PAGR1: variants seen among roughly 807,000 people sequenced by gnomAD.
The protein encoded by PAGR1 is PAXIP1-associated glutamate-rich protein 1.
PAGR1 carries 20 observed loss-of-function variants against 22.4 expected under a neutral mutation model. The observed-to-expected ratio is 0.89, with a 90% CI of 0.63 to 1.30. The LOEUF (loss-of-function observed/expected upper bound fraction) is 1.30. Ranked by LOEUF, PAGR1 falls within the 50% of genes most tolerant of loss-of-function variation. The pLI is 0.00. For synonymous variants in PAGR1, 161 were observed against 148.3 expected, an observed-to-expected ratio of 1.09 and a Z score of -0.62; for missense variants, 338 against 343.6, an observed-to-expected ratio of 0.98 and a Z score of 0.13.
At position 29,822,399 on chromosome 16, in the gene PAGR1, C is replaced by T. The variant is rs1014148289; in HGVS notation, c.*2645C>T. The T allele has an allele frequency of 5.9e-5, 9 of 152,012 alleles. No individual in the cohort carries two copies. The highest frequency in any genetic ancestry group is 1.9e-4 in the East Asian group (1 of 5,202). The allele number at this position is 152,012 out of a possible 1,614,324, so 9.4% of individuals were successfully genotyped here. ...TCCTAAAGGGGGTAAACCAGGAAGC[C>T]GCTGGGTGAAAACAGGCTGTTGGCA... On this transcript the variant is annotated 3_prime_UTR_variant, in exon 3 of 3. Coordinates refer to ENST00000320330, the MANE Select transcript of PAGR1 (RefSeq NM_024516.4).
rs192974582 is a variant in PAGR1, at chr16:29,816,266, C to G, written c.-260C>G. Reference sequence around the variant, plus strand: ...GAAGCGAGAAGAGTGGCCCGTCCCTCTCCTCCCCCTTTCCCTCTTTCGGAA... The same window carrying G: ...GAAGCGAGAAGAGTGGCCCGTCCCTGTCCTCCCCCTTTCCCTCTTTCGGAA... On this transcript the variant is annotated 5_prime_UTR_variant, in exon 1 of 3. Coordinates refer to ENST00000320330, the MANE Select transcript of PAGR1 (RefSeq NM_024516.4). 1.4e-4 allele frequency: 58 copies of G among 412,524 alleles called. No homozygotes were observed. In the Middle Eastern group the frequency reaches 2.5e-3, roughly 18 times the overall value. The allele number at this position is 412,524 out of a possible 1,614,324, so 25.6% of individuals were successfully genotyped here. A position where few individuals can be genotyped will look rare whatever the true frequency, so the allele number is the denominator to read the frequency against.
At chr16:29,819,481 A>T (rs1596901359) in intron 2 of PAGR1, 74 bp from the exon 3 acceptor site, 1 of 1,494,718 alleles carries the variant, frequency 6.7e-7, no homozygotes. Context: ...TCCCCAAGTG[A>T]TGAGTGAGGT....
Position 29,820,711 on chromosome 16 carries a change from C to A in PAGR1, c.*957C>A, listed in dbSNP as rs576397425. Among the ~76,000 whole-genome samples, 4 of 152,234 alleles carry A rather than the reference C, an allele frequency of 2.6e-5. No individual in the cohort carries two copies. The highest frequency in any genetic ancestry group is 7.2e-5 in the African/African-American group (3 of 41,534). On this transcript the variant is annotated 3_prime_UTR_variant, in exon 3 of 3. Coordinates refer to ENST00000320330, the MANE Select transcript of PAGR1 (RefSeq NM_024516.4). ...TCACTTTCCAATAGTTGGGAGTCTT[C>A]TGGGTTTTGAAGTAAAGGCAGATTA... is the stretch of plus-strand genomic sequence containing the variant.
At position 29,819,954 on chromosome 16, in the gene PAGR1, G is replaced by A. The variant is rs778045235; in HGVS notation, c.*200G>A. ...TTGAACACCTGTAGAGTGTGTGTGT[G>A]TGTTTTCTATTGAACACCTATAGAG... On this transcript the variant is annotated 3_prime_UTR_variant, in exon 3 of 3. Transcript: ENST00000320330. The A allele has an allele frequency of 8.8e-5, 53 of 605,416 alleles. No homozygotes were observed. Among genetic ancestry groups the A allele is most frequent in the African/African-American group, 1.7e-4 (9 of 54,024 alleles). The allele number at this position is 605,416 out of a possible 1,614,324, so 37.5% of individuals were successfully genotyped here.
chr16:29,819,280 G>A (rs776344873), intron 2 of PAGR1: 1 of 442,930 alleles, frequency 2.3e-6, no homozygotes, highest in South Asian at 3.1e-5. Context: ...ACTCTTCTTT[G>A]AACAGAACTC....
At position 29,816,709 on chromosome 16, in the gene PAGR1, T is replaced by A. The variant is rs745842510; in HGVS notation, c.184T>A (p.Ser62Thr). 2 of 1,607,348 alleles carry A rather than the reference T, an allele frequency of 1.2e-6. No homozygotes were observed. The highest frequency in any genetic ancestry group is 1.7e-6 in the Non-Finnish European group (2 of 1,178,136). The change falls in exon 1 of 3, where the codon TCC becomes ACC. Residue 62 changes from serine to threonine, a missense_variant. Ser to Thr is a moderately conservative substitution (Grantham distance 58). Coordinates refer to ENST00000320330, the MANE Select transcript of PAGR1 (RefSeq NM_024516.4). ...GGREETEREG[S>T]GGEEAQGEVP... ...CCGAGAGGAGACCGAGCGTGAGGGG[T>A]CCGGGGGCGAGGAGGCGCAGGGAGA...
Position 29,819,907 on chromosome 16 carries a change from G to C in PAGR1, c.*153G>C. ...CGGGAAAGAGGAAGAGAGAGTGTGA[G>C]TGTGTGTGTGTGTTTTTTCTATTGA... On this transcript the variant is annotated 3_prime_UTR_variant, in exon 3 of 3. Coordinates refer to ENST00000320330, the MANE Select transcript of PAGR1 (RefSeq NM_024516.4). 2.7e-6 allele frequency: 2 copies of C among 753,820 alleles called. No individual in the cohort carries two copies. Among genetic ancestry groups the C allele is most frequent in the Non-Finnish European group, 4.1e-6 (2 of 484,724 alleles). 46.7% of individuals were successfully genotyped at this position (753,820 alleles called of 1,614,324 possible). A position where few individuals can be genotyped will look rare whatever the true frequency, so the allele number is the denominator to read the frequency against.
Position 29,816,218 on chromosome 16 carries a change from C to T in PAGR1, c.-308C>T. On this transcript the variant is annotated 5_prime_UTR_variant, in exon 1 of 3. Coordinates refer to ENST00000320330, the MANE Select transcript of PAGR1 (RefSeq NM_024516.4). Reference sequence around the variant, plus strand: ...AGGTCTGGGGAGAAGGCGCCGTGTCCGGGTGTGGAGAGGGGCGTCGTGGAA... The same window carrying T: ...AGGTCTGGGGAGAAGGCGCCGTGTCTGGGTGTGGAGAGGGGCGTCGTGGAA... The T allele has an allele frequency of 5.0e-6, 2 of 396,458 alleles. No homozygotes were observed. The highest frequency in any genetic ancestry group is 8.9e-6 in the Non-Finnish European group (2 of 224,062). The allele number at this position is 396,458 out of a possible 1,614,324, so 24.6% of individuals were successfully genotyped here. A position where few individuals can be genotyped will look rare whatever the true frequency, so the allele number is the denominator to read the frequency against.
rs377615776 is a variant in PAGR1 at position 29,816,901 on chromosome 16, G to A, written c.376G>A (p.Glu126Lys). The A allele has an allele frequency of 5.5e-5, 86 of 1,562,574 alleles. No homozygotes were observed. Among genetic ancestry groups the A allele is most frequent in the Non-Finnish European group, 7.3e-5 (84 of 1,156,284 alleles). The change falls in exon 1 of 3, where the codon GAG (glutamate) becomes AAG (lysine). Residue 126 changes from glutamate (E) to lysine (K), a missense_variant. Physicochemically the swap from Glu to Lys is moderately conservative, Grantham distance 56 (BLOSUM62 1). Around this residue, in one of 3 missense-constraint regions of PAGR1, gnomAD observed 235 missense variants for 216.0 expected, o/e 1.09. Coordinates refer to ENST00000320330, the MANE Select transcript of PAGR1 (RefSeq NM_024516.4). ...YELLAAHGTLELQAEILPRRP... is the reference protein window; with the variant it reads ...YELLAAHGTLKLQAEILPRRP... The stretch of plus-strand genomic sequence containing the variant: ...ACTGCTGGCTGCCCACGGTACTCTG[G>A]AGCTGCAAGCCGAGATCCTGCCCCG...
Position 29,816,213 on chromosome 16 carries a change from G to A in PAGR1, c.-313G>A, listed in dbSNP as rs977093789. On this transcript the variant is annotated 5_prime_UTR_variant, in exon 1 of 3. In the 5' UTR this introduces an upstream ATG that the reference lacks. Coordinates refer to ENST00000320330, the MANE Select transcript of PAGR1 (RefSeq NM_024516.4). ...CTGAAAGGTCTGGGGAGAAGGCGCC[G>A]TGTCCGGGTGTGGAGAGGGGCGTCG... 1.8e-5 allele frequency: 7 copies of A among 393,620 alleles called. No homozygotes were observed. The highest frequency in any genetic ancestry group is 3.1e-5 in the Non-Finnish European group (7 of 222,348). The allele number at this position is 393,620 out of a possible 1,614,324, so 24.4% of individuals were successfully genotyped here.
intron 2 of PAGR1, among the ~76,000 whole-genome samples, chr16:29,819,191 ACTC>A (rs1178910438): frequency 6.6e-6 from 1 of 151,576 alleles, no homozygotes; most frequent in Non-Finnish European, 1.5e-5. Context: ...CTGGTCTCAA[ACTC>A]CTGACCTCGT....
intron 1 of PAGR1, 25 bp from the exon 2 acceptor site, chr16:29,817,185 C>T (rs1490290114): frequency 5.0e-6 from 8 of 1,613,678 alleles, no homozygotes; most frequent in Non-Finnish European, 6.8e-6. Flanking sequence ...CCGCCCTCAC[C>T]CTTAACTATG....
In PAGR1 at chr16:29,821,552, A is replaced by G. The variant is rs12149746; in HGVS notation, c.*1798A>G. On this transcript the variant is annotated 3_prime_UTR_variant, in exon 3 of 3. Transcript: ENST00000320330. ...AAACACTCACCTTTGAACTGCCATT[A>G]GCACCATCTGGGCAGTACACAGCCC... 0.96 allele frequency among the ~76,000 whole-genome samples: 145,876 copies of G among 152,264 alleles called. 70,155 individuals are homozygous for G. The highest frequency in any genetic ancestry group is 1 in the Non-Finnish European group (67,997 of 68,034).
intron 2 of PAGR1, 154 bp from the exon 3 acceptor site, chr16:29,819,401 T>G: frequency 1.4e-6 from 1 of 713,624 alleles, no homozygotes; most frequent in East Asian, 2.5e-5. Context: ...CTTCTCACCC[T>G]CTCTGAGGTC....
At chr16:29,817,158 G>A (rs1029470061) in intron 1 of PAGR1, 52 bp from the exon 2 acceptor site, 1 of 1,612,500 alleles carries the variant, frequency 6.2e-7, no homozygotes, top group Non-Finnish European at 8.5e-7. Context: ...AAGCACACGT[G>A]TGGGTGGGAG....
rs1237034502 is a variant in PAGR1, at chr16:29,822,465, TTTAAC to T, written c.*2716_*2720del. ...GACCCATTCTCTAAAGACTAGAATA[TTTAAC>T]TTAAATCAGTGAGAAACTCTGTGAA... On this transcript the variant is annotated 3_prime_UTR_variant, in exon 3 of 3. Transcript: ENST00000320330. The T allele has an allele frequency of 6.6e-6, 1 of 152,114 alleles. No homozygotes were observed. Among genetic ancestry groups the T allele is most frequent in the African/African-American group, 2.4e-5 (1 of 41,424 alleles). The allele number at this position is 152,114 out of a possible 1,614,324, so 9.4% of individuals were successfully genotyped here.
chr16:29,816,685 C>T lies in PAGR1; in HGVS notation c.160C>T (p.Arg54Ter). The T allele has an allele frequency of 6.2e-7, 1 of 1,601,914 alleles. No individual in the cohort carries two copies. Among genetic ancestry groups the T allele is most frequent in the East Asian group, 2.2e-5 (1 of 44,576 alleles). The change falls in exon 1 of 3, where the codon CGA becomes TGA. Residue 54 changes from arginine (R) to a stop codon, truncating the protein, a stop_gained. Transcript: ENST00000320330. LOFTEE classifies it high-confidence loss of function. ...GKAEDEGEGG[R>*]EETEREGSGG... ...GGCCGAGGACGAGGGGGAAGGAGGC[C>T]GAGAGGAGACCGAGCGTGAGGGGTC...
In PAGR1 at chr16:29,821,568, T is replaced by TAC. The variant is rs2067361611; in HGVS notation, c.*1818_*1819dup. Among the ~76,000 whole-genome samples, 2 of 152,168 alleles carry TAC rather than the reference T, an allele frequency of 1.3e-5. No individual in the cohort carries two copies. Among genetic ancestry groups the TAC allele is most frequent in the Non-Finnish European group, 2.9e-5 (2 of 68,018 alleles). ...ACTGCCATTAGCACCATCTGGGCAG[T>TAC]ACACAGCCCCACCCAGGTCCTCTAG... On this transcript the variant is annotated 3_prime_UTR_variant, in exon 3 of 3. Transcript: ENST00000320330.
rs1268352008 is a variant in PAGR1 at position 29,821,183 on chromosome 16, C to T, written c.*1429C>T. 2 of 152,280 alleles carry T rather than the reference C, an allele frequency of 1.3e-5. No individual in the cohort carries two copies. The highest frequency in any genetic ancestry group is 2.9e-5 in the Non-Finnish European group (2 of 68,094). The allele number at this position is 152,280 out of a possible 1,614,324, so 9.4% of individuals were successfully genotyped here. A position where few individuals can be genotyped will look rare whatever the true frequency, so the allele number is the denominator to read the frequency against. On this transcript the variant is annotated 3_prime_UTR_variant, in exon 3 of 3. Coordinates refer to ENST00000320330, the MANE Select transcript of PAGR1 (RefSeq NM_024516.4). ...TAGAGCTGTCCCTTGGGGAGCCAAG[C>T]ACTTGGGGGTGGAGGTGATAGCGAG...
Sources: allele counts gnomAD v4.1 joint callset (sites outside exome capture counted in the v4.1 genomes callset), GRCh38; gene constraint gnomAD v4.1.1; regional missense constraint gnomAD v4.1.1; transcripts MANE v1.5; gene names NCBI Gene and HGNC (gene_info 2026-07-23, HGNC 2026-07-21).